The following MBP variants were observed in gnomAD, a reference collection of about 807,000 sequenced individuals.
The protein encoded by MBP is Golli-MBP.
MBP carries 16 observed loss-of-function variants against 35.8 expected under a neutral mutation model. The observed-to-expected ratio is 0.45, with a 90% CI of 0.30 to 0.68. The LOEUF (loss-of-function observed/expected upper bound fraction) is 0.68. MBP is among the 30% of genes least tolerant of loss of function. The pLI is 0.08. For synonymous variants in MBP, 143 were observed against 159.6 expected (o/e 0.90, Z 0.78); for missense variants, 380 against 404.7 (o/e 0.94, Z 0.52).
At chr18:77,047,473 G>C (rs571316117) in intron 3 of MBP, among the ~76,000 whole-genome samples, 2 of 152,342 alleles carry the variant, frequency 1.3e-5, no homozygotes, top group East Asian at 3.9e-4. Context: ...GCTGGGGTGA[G>C]ACGTGTCGGG....
chr18:77,049,968 C>T (rs1973418692), intron 3 of MBP, among the ~76,000 whole-genome samples: 1 of 152,238 alleles, frequency 6.6e-6, no homozygotes, highest in South Asian at 2.1e-4. Flanking sequence ...GCGTGAGCCA[C>T]TGCACTCACC....
intron 3 of MBP, among the ~76,000 whole-genome samples, chr18:77,038,440 G>C (rs956385145): frequency 6.6e-6 from 1 of 152,216 alleles, no homozygotes; most frequent in Admixed American, 6.5e-5. Flanking sequence ...GGACCCAGAA[G>C]TAGTGGCCCT....
intron 3 of MBP, among the ~76,000 whole-genome samples, chr18:77,057,231 C>G (rs1165206348): frequency 6.6e-6 from 1 of 152,212 alleles, no homozygotes; most frequent in Non-Finnish European, 1.5e-5. Context: ...AAGGAACCAG[C>G]TGCGGTCTCC....
intron 2 of MBP, among the ~76,000 whole-genome samples, chr18:77,097,745 G>GT (rs796360294): frequency 3.9e-5 from 6 of 152,284 alleles, no homozygotes; most frequent in African/African-American, 1.4e-4. Flanking sequence ...CGCTCTGCGA[G>GT]TTACATTTGG....
chr18:77,005,942 T>G (rs1970943678), intron 4 of MBP: 1 of 152,248 alleles, frequency 6.6e-6, no homozygotes, highest in Non-Finnish European at 1.5e-5. Context: ...TTCCAAAGCA[T>G]CTGCAGGACA....
At chr18:77,082,456 G>A (rs1261774346) in intron 2 of MBP, among the ~76,000 whole-genome samples, 2 of 152,210 alleles carry the variant, frequency 1.3e-5, no homozygotes, top group Non-Finnish European at 2.9e-5. Context: ...AATAGGATGA[G>A]GTCGGGTGGG....
At chr18:77,049,316 G>A (rs1308043742) in intron 3 of MBP, among the ~76,000 whole-genome samples, 1 of 152,186 alleles carries the variant, frequency 6.6e-6, no homozygotes, top group Non-Finnish European at 1.5e-5. Context: ...TGTAGAATAA[G>A]TTTTATTTCA....
At chr18:77,041,153 T>C (rs941552291) in intron 3 of MBP, among the ~76,000 whole-genome samples, 17 of 152,356 alleles carry the variant, frequency 1.1e-4, no homozygotes, top group Non-Finnish European at 2.1e-4. Flanking sequence ...AAGACATTTA[T>C]GCAGCCAAGA....
At chr18:77,096,106 T>C (rs1975747371) in intron 2 of MBP, among the ~76,000 whole-genome samples, 1 of 152,218 alleles carries the variant, frequency 6.6e-6, no homozygotes, top group South Asian at 2.1e-4. Flanking sequence ...TATGATTCCA[T>C]AAAGGAATGG....
rs539365918 is a variant in MBP at position 77,066,477 on chromosome 18, T to C, written c.52-92A>G. 3 of 872,168 alleles carry C rather than the reference T, an allele frequency of 3.4e-6. No individual in the cohort carries two copies. In the Admixed American group the frequency reaches 5.3e-5, roughly 15 times the overall value. The allele number at this position is 872,168 out of a possible 1,614,324, so 54.0% of individuals were successfully genotyped here. ...ATGCATTTGTCTCTTTATAAATTTTTTATCAGATAATCAGTTTCACATCTG... is the reference window on the plus strand; with the variant it reads ...ATGCATTTGTCTCTTTATAAATTTTCTATCAGATAATCAGTTTCACATCTG... On this transcript the variant is annotated intron_variant, in intron 2 of 8. Coordinates refer to ENST00000355994, the MANE Select transcript of MBP (RefSeq NM_001025101.2).
At chr18:77,012,771 G>T (rs1234052524) in intron 4 of MBP, 12 of 984,848 alleles carry the variant, frequency 1.2e-5, no homozygotes, top group Non-Finnish European at 1.4e-5. Flanking sequence ...AAAGAAGTTC[G>T]CATGCAATTA....
At chr18:77,001,395 G>A (rs544067713) in intron 4 of MBP, among the ~76,000 whole-genome samples, 4 of 152,366 alleles carry the variant, frequency 2.6e-5, no homozygotes, top group East Asian at 3.9e-4. Context: ...CAGCCACTCC[G>A]CAGCAGTCCA....
At chr18:77,028,949 G>A (rs1257778358) in intron 3 of MBP, among the ~76,000 whole-genome samples, 9 of 87,734 alleles carry the variant, frequency 1.0e-4, no homozygotes, top group East Asian at 4.5e-4. Flanking sequence ...CCAGGCAGAG[G>A]GGCTCCATCC....
intron 1 of MBP, chr18:77,114,969 C>G (rs532063868): frequency 6.6e-6 from 1 of 152,420 alleles, no homozygotes; most frequent in Non-Finnish European, 1.5e-5. Flanking sequence ...GGGCCCTGAC[C>G]TCCTTATCTG....
rs1568266957 is a variant in MBP at position 76,988,723 on chromosome 18, T to G, written c.717+154A>C. 2.3e-6 allele frequency: 3 copies of G among 1,314,762 alleles called. No individual in the cohort carries two copies. Among genetic ancestry groups the G allele is most frequent in the Non-Finnish European group, 3.2e-6 (3 of 950,858 alleles). The allele number at this position is 1,314,762 out of a possible 1,614,324, so 81.4% of individuals were successfully genotyped here. A position where few individuals can be genotyped will look rare whatever the true frequency, so the allele number is the denominator to read the frequency against. Reference sequence around the variant, plus strand: ...GGGAGGGACAGGAGGGGTGCATGGATCTGCCGACCTGTTCTACTTGGGAGC... The same window carrying G: ...GGGAGGGACAGGAGGGGTGCATGGAGCTGCCGACCTGTTCTACTTGGGAGC... On this transcript the variant is annotated intron_variant, in intron 6 of 8. Coordinates refer to ENST00000355994, the MANE Select transcript of MBP (RefSeq NM_001025101.2). This position sits in a 1 kb window ranked among gnomAD's most constrained non-coding sequence, Gnocchi z 5.2.
At chr18:77,128,509 C>G (rs975459831) in intron 1 of MBP, among the ~76,000 whole-genome samples, 3 of 139,658 alleles carry the variant, frequency 2.1e-5, no homozygotes, top group Non-Finnish European at 4.6e-5. Flanking sequence ...GAGAACTAAG[C>G]GCACGTGCAT....
intron 1 of MBP, among the ~76,000 whole-genome samples, chr18:77,120,289 G>A (rs1976849893): frequency 6.6e-6 from 1 of 152,234 alleles, no homozygotes; most frequent in African/African-American, 2.4e-5. Flanking sequence ...GGCATCTGGT[G>A]CAGCTGTGAC....
rs779499347 is a variant in MBP at position 76,990,047 on chromosome 18, G to A, written c.590C>T (p.Pro197Leu). 3.1e-6 allele frequency: 5 copies of A among 1,611,896 alleles called. No homozygotes were observed. Among genetic ancestry groups the A allele is most frequent in the African/African-American group, 1.3e-5 (1 of 74,832 alleles). ...KRGSGKDSHH[P>L]ARTAHYGSLP... Reference sequence around the variant, plus strand: ...GGAGCCGTAGTGAGCAGTTCTTGCCGGGTGGTGTGAGTCCTGAAACACAGA... The same window carrying A: ...GGAGCCGTAGTGAGCAGTTCTTGCCAGGTGGTGTGAGTCCTGAAACACAGA... The change falls in exon 5 of 9, where the codon CCG (proline) becomes CTG (leucine). Residue 197 changes from proline (P) to leucine (L), a missense_variant. Transcript: ENST00000355994.
intron 2 of MBP, among the ~76,000 whole-genome samples, chr18:77,090,638 TG>T (rs1275303897): frequency 2.0e-5 from 3 of 152,188 alleles, no homozygotes; most frequent in Non-Finnish European, 4.4e-5. Flanking sequence ...CTCTCCTTGG[TG>T]GGACGTTTCC....
Sources: gnomAD v4.1 joint callset for allele counts (sites outside exome capture counted in the v4.1 genomes callset) on GRCh38, gnomAD v4.1.1 for gene constraint, Gnocchi (gnomAD v3.1) non-coding constraint, MANE v1.5 for transcripts, NCBI Gene and HGNC (gene_info 2026-07-23, HGNC 2026-07-21) for gene names.